The following CLCN1 variants were observed in gnomAD, a reference collection of about 807,000 sequenced individuals.
CLCN1 encodes the protein chloride channel protein 1.
CLCN1 carries 100 observed loss-of-function variants against 114.5 expected under a neutral mutation model. That is an observed-to-expected ratio of 0.87 (90% CI 0.74 to 1.03). CLCN1 has a LOEUF of 1.03. Ranked by LOEUF, CLCN1 falls within the 50% of genes least tolerant of loss-of-function variation. CLCN1 has a pLI of 0.00. For synonymous variants in CLCN1, 485 were observed against 487.1 expected, an observed-to-expected ratio of 1.00 and a Z score of 0.06; for missense variants, 1,188 against 1,250.0, an observed-to-expected ratio of 0.95 and a Z score of 0.75.
rs777708543 is a variant in CLCN1, at chr7:143,351,784, C to T, written c.2786C>T (p.Thr929Ile). 43 of 1,613,962 alleles carry T rather than the reference C, an allele frequency of 2.7e-5. No individual in the cohort carries two copies. The highest frequency in any genetic ancestry group is 3.6e-5 in the Non-Finnish European group (42 of 1,180,012). ...GATGTGATTGCTGCCTCCCCAGAGA[C>T]CCCTGTGCCATCTCCTTCCCCAGAG... ...TGDVIAASPE[T>I]PVPSPSPEPP... The change falls in exon 23 of 23, where the codon ACC (threonine) becomes ATC (isoleucine). Residue 929 changes from threonine (T) to isoleucine (I), a missense_variant. Coordinates refer to ENST00000343257, the MANE Select transcript of CLCN1 (RefSeq NM_000083.3).
chr7:143,327,263 G>GAAA (rs1802601408), intron 7 of CLCN1, among the ~76,000 whole-genome samples: 1 of 151,542 alleles, frequency 6.6e-6, no homozygotes, highest in African/African-American at 2.4e-5. Context: ...AAAAAAAAAA[G>GAAA]AAAAGTTACC....
At chr7:143,320,528 T>G in intron 2 of CLCN1, 136 bp from the exon 3 acceptor site, 1 of 875,842 alleles carries the variant, frequency 1.1e-6, no homozygotes, top group South Asian at 1.6e-5. Context: ...GCACCCAAAG[T>G]AAAGTAGTGA....
chr7:143,346,275 C>G (rs1329498155), intron 18 of CLCN1, 24 bp downstream of exon 18: 1 of 1,479,668 alleles, frequency 6.8e-7, no homozygotes, highest in Non-Finnish European at 9.4e-7. Context: ...CTCATGCACC[C>G]CAACTCACCC....
intron 12 of CLCN1, 140 bp downstream of exon 12, chr7:143,333,013 A>G: frequency 9.8e-7 from 1 of 1,021,952 alleles, no homozygotes; most frequent in South Asian, 1.3e-5. Flanking sequence ...AAAACCATAG[A>G]GTTGGCCAGG....
rs781289953 is a variant in CLCN1 at position 143,316,411 on chromosome 7, A to T, written c.180+19A>T. 1 of 1,607,932 alleles carries T rather than the reference A, an allele frequency of 6.2e-7. No homozygotes were observed. The highest frequency in any genetic ancestry group is 8.5e-7 in the Non-Finnish European group (1 of 1,177,514). On this transcript the variant is annotated intron_variant, in intron 1 of 22. Transcript: ENST00000343257. Reference sequence around the variant, plus strand: ...CACACAGGTAAAGTGCTCTAAGGGGAGAGGGGAGCCATGGATGAGGGGAGA... The same window carrying T: ...CACACAGGTAAAGTGCTCTAAGGGGTGAGGGGAGCCATGGATGAGGGGAGA...
At chr7:143,335,661 G>GTTTTTT (rs367713664) in intron 12 of CLCN1, among the ~76,000 whole-genome samples, 21 of 135,270 alleles carry the variant, frequency 1.6e-4, no homozygotes, top group Admixed American at 3.9e-4. Context: ...CAGCTGTTTT[G>GTTTTTT]TTTTTTTTTT....
At chr7:143,323,441 G>A in intron 6 of CLCN1, 55 bp downstream of exon 6, 1 of 1,264,212 alleles carries the variant, frequency 7.9e-7, no homozygotes, top group Non-Finnish European at 1.2e-6. Flanking sequence ...GAGTCCGGCT[G>A]TGTGTCCAGG....
At chr7:143,335,513 C>T (rs1023190238) in intron 12 of CLCN1, among the ~76,000 whole-genome samples, 1 of 152,172 alleles carries the variant, frequency 6.6e-6, no homozygotes, top group Admixed American at 6.5e-5. Flanking sequence ...TAACCATACT[C>T]TTATTTTTTA....
chr7:143,323,905 G>T (rs1018598499), intron 6 of CLCN1: 2 of 468,738 alleles, frequency 4.3e-6, no homozygotes, highest in East Asian at 6.9e-5. Context: ...GAGGCAAGTT[G>T]CACTTCCTCC....
rs1021804246 is a variant in CLCN1 at position 143,345,527 on chromosome 7, T to C, written c.1937T>C (p.Met646Thr). Reference sequence around the variant, plus strand: ...GGGCGTGGGTTTCCCTCAGATTCAATGATCCTGCTGGGCTCGGTGGAGCGG... The same window carrying C: ...GGGCGTGGGTTTCCCTCAGATTCAACGATCCTGCTGGGCTCGGTGGAGCGG... ...TLPLVDSKDS[M>T]ILLGSVERSE... The change falls in exon 17 of 23, where the codon ATG becomes ACG. Residue 646 changes from methionine to threonine, a missense_variant. Met to Thr is a moderately conservative substitution (Grantham distance 81, BLOSUM62 -1). Coordinates refer to ENST00000343257, the MANE Select transcript of CLCN1 (RefSeq NM_000083.3). The C allele has an allele frequency of 1.4e-5, 22 of 1,534,554 alleles. No individual in the cohort carries two copies. Among genetic ancestry groups the C allele is most frequent in the Non-Finnish European group, 1.9e-5 (22 of 1,135,550 alleles).
intron 20 of CLCN1, among the ~76,000 whole-genome samples, chr7:143,347,465 A>G (rs1803278464): frequency 6.6e-6 from 1 of 152,040 alleles, no homozygotes; most frequent in Non-Finnish European, 1.5e-5. Flanking sequence ...TACTAAAAAT[A>G]CAAAAATAAG....
At position 143,350,608 on chromosome 7, in the gene CLCN1, A is replaced by T; in HGVS notation, c.2549A>T (p.Tyr850Phe). ...TCACTCCTTGGCCTCCACCTCGCTT[A>T]CGTGACCAGCATGGGGAAGCTCAGG... ...LFSLLGLHLA[Y>F]VTSMGKLRGV... is the part of the protein sequence containing the mutation. The change falls in exon 22 of 23, where the codon TAC becomes TTC. Residue 850 changes from tyrosine to phenylalanine, a missense_variant. Tyr to Phe is a conservative substitution (Grantham distance 22, BLOSUM62 3). Coordinates refer to ENST00000343257, the MANE Select transcript of CLCN1 (RefSeq NM_000083.3). The surrounding 1 kb of genome is among the most constrained non-coding windows in gnomAD (Gnocchi z 5.1). 1 of 1,614,132 alleles carries T rather than the reference A, an allele frequency of 6.2e-7. No homozygotes were observed. Among genetic ancestry groups the T allele is most frequent in the Non-Finnish European group, 8.5e-7 (1 of 1,180,014 alleles).
intron 2 of CLCN1, 99 bp from the exon 3 acceptor site, chr7:143,320,565 C>T: frequency 4.1e-6 from 3 of 731,692 alleles, no homozygotes; most frequent in Non-Finnish European, 4.4e-6. Context: ...CTCTCTCTCT[C>T]TCTCTCTCTC....
intron 16 of CLCN1, among the ~76,000 whole-genome samples, chr7:143,344,814 G>A (rs998055981): frequency 2.7e-5 from 4 of 148,272 alleles, no homozygotes; most frequent in East Asian, 2.0e-4. Flanking sequence ...GCAGTGGTGC[G>A]ATCTCAGCTC....
At position 143,316,384 on chromosome 7, in the gene CLCN1, C is replaced by T; in HGVS notation, c.172C>T (p.Pro58Ser). ...KDAGPRHNVH[P>S]TQIYGHHKEQ... ...TGCAGGCCCCCGCCACAACGTCCAC[C>T]CCACACAGGTAAAGTGCTCTAAGGG... is the stretch of plus-strand genomic sequence containing the variant. The change falls in exon 1 of 23, where the codon CCC becomes TCC. Residue 58 changes from proline (P) to serine (S), a missense_variant. Transcript: ENST00000343257. 1 of 1,612,950 alleles carries T rather than the reference C, an allele frequency of 6.2e-7. No homozygotes were observed. Among genetic ancestry groups the T allele is most frequent in the Non-Finnish European group, 8.5e-7 (1 of 1,179,968 alleles).
rs41276057 is a variant in CLCN1 at position 143,342,363 on chromosome 7, C to T, written c.1797-9C>T. The stretch of plus-strand genomic sequence containing the variant: ...TGGGGCTAACCCACCATGCTTTCTC[C>T]CTCCATAGCAAATATACCATCTTTG... On this transcript the variant is annotated splice_polypyrimidine_tract_variant and intron_variant, in intron 15 of 22. Coordinates refer to ENST00000343257, the MANE Select transcript of CLCN1 (RefSeq NM_000083.3). The T allele has an allele frequency of 0.012, 19,347 of 1,613,954 alleles. 163 individuals carry two copies. The highest frequency in any genetic ancestry group is 0.013 in the Non-Finnish European group (15,285 of 1,179,884).
intron 12 of CLCN1, among the ~76,000 whole-genome samples, chr7:143,336,018 G>T (rs62471040): frequency 6.6e-6 from 1 of 151,968 alleles, no homozygotes; most frequent in Non-Finnish European, 1.5e-5. Flanking sequence ...ATCTCATGAC[G>T]TGGAAAGTGT....
intron 1 of CLCN1, among the ~76,000 whole-genome samples, chr7:143,318,671 A>G (rs1802351463): frequency 6.6e-6 from 1 of 152,204 alleles, no homozygotes; most frequent in African/African-American, 2.4e-5. Flanking sequence ...CAGCCCAGGT[A>G]TGATGATATG....
At position 143,320,138 on chromosome 7, in the gene CLCN1, G is replaced by T. The variant is rs139586608; in HGVS notation, c.301+263G>T. Among the ~76,000 whole-genome samples, 10 of 152,244 alleles carry T rather than the reference G, an allele frequency of 6.6e-5. No individual in the cohort carries two copies. The East Asian group carries it at 1.9e-3, about 29-fold the overall frequency. On this transcript the variant is annotated intron_variant, in intron 2 of 22. Coordinates refer to ENST00000343257, the MANE Select transcript of CLCN1 (RefSeq NM_000083.3). ...CCAGTAGCTGAGACTATAGGCACAT[G>T]CCACCATGCCCAGCTAATTTTAAAA...
Sources: allele counts gnomAD v4.1 joint callset (sites outside exome capture counted in the v4.1 genomes callset), GRCh38; gene constraint gnomAD v4.1.1; non-coding constraint Gnocchi (gnomAD v3.1); transcripts MANE v1.5; gene names NCBI Gene and HGNC (gene_info 2026-07-23, HGNC 2026-07-21).